Variants in MPP4 observed in about 807,000 individuals in gnomAD.
MPP4 encodes the protein MAGUK p55 scaffold protein 4, also known as MAGUK p55 subfamily member 4.
Under a neutral mutation model 98.3 loss-of-function variants are expected in MPP4, and 91 were observed. The observed-to-expected ratio is 0.93, with a 90% CI of 0.78 to 1.10. The LOEUF is 1.10. Ranked by LOEUF, MPP4 falls within the 50% of genes least tolerant of loss-of-function variation. The pLI, the probability that MPP4 is intolerant of heterozygous loss-of-function variation, is 0.00. For synonymous variants in MPP4, 261 were observed against 271.8 expected (o/e 0.96, Z 0.39); for missense variants, 744 against 792.9 (o/e 0.94, Z 0.74).
chr2:201,697,069 G>T (rs1004069196), intron 1 of MPP4, among the ~76,000 whole-genome samples: 1 of 152,096 alleles, frequency 6.6e-6, no homozygotes, highest in Non-Finnish European at 1.5e-5. Context: ...TGTCATTAGC[G>T]TCTGGGTAAG....
intron 18 of MPP4, among the ~76,000 whole-genome samples, chr2:201,652,841 A>C (rs1001365065): frequency 6.6e-6 from 1 of 152,174 alleles, no homozygotes; most frequent in African/African-American, 2.4e-5. Flanking sequence ...AGGGAGGGAG[A>C]GGAAAGCAGG....
chr2:201,672,281 A>G (rs1688363857), intron 11 of MPP4, among the ~76,000 whole-genome samples: 1 of 152,250 alleles, frequency 6.6e-6, no homozygotes, highest in Admixed American at 6.5e-5. Context: ...CTAAATGCCC[A>G]CAGGAGAAAG....
chr2:201,689,258 G>A (rs1688931394), intron 4 of MPP4, among the ~76,000 whole-genome samples: 1 of 152,198 alleles, frequency 6.6e-6, no homozygotes, highest in East Asian at 1.9e-4. Flanking sequence ...CCAGGAGGCA[G>A]AGGTTGCAGT....
At chr2:201,696,974 G>A (rs778071557) in intron 1 of MPP4, among the ~76,000 whole-genome samples, 4 of 152,146 alleles carry the variant, frequency 2.6e-5, no homozygotes, top group Admixed American at 2.6e-4. Context: ...AGATGTTGAA[G>A]CCCTAATCCC....
intron 18 of MPP4, among the ~76,000 whole-genome samples, chr2:201,653,447 C>T (rs979817471): frequency 6.6e-6 from 1 of 152,146 alleles, no homozygotes; most frequent in Non-Finnish European, 1.5e-5. Flanking sequence ...CAATAAAAGC[C>T]TCCCCAAAAA....
At chr2:201,649,228 A>T (rs1687650969) in intron 20 of MPP4, among the ~76,000 whole-genome samples, 1 of 152,222 alleles carries the variant, frequency 6.6e-6, no homozygotes, top group Admixed American at 6.5e-5. Flanking sequence ...AGCCACAGAT[A>T]TGACAACATA....
chr2:201,693,053 T>C (rs373403676), intron 2 of MPP4, 24 bp from the exon 3 acceptor site: 106 of 1,603,030 alleles, frequency 6.6e-5, no homozygotes, highest in Non-Finnish European at 8.9e-5. Context: ...AGAGCAGAGA[T>C]GGGGTGGCAG....
At chr2:201,677,864 A>G (rs1688552571) in intron 10 of MPP4, among the ~76,000 whole-genome samples, 1 of 152,178 alleles carries the variant, frequency 6.6e-6, no homozygotes, top group South Asian at 2.1e-4. Context: ...GCTCAGAGAT[A>G]CTGACTTCTC....
At chr2:201,690,326 T>C (rs1465208972) in intron 3 of MPP4, 47 bp from the exon 4 acceptor site, 2 of 1,293,526 alleles carry the variant, frequency 1.5e-6, no homozygotes, top group Admixed American at 2.0e-5. Flanking sequence ...AATATGACTA[T>C]TGCCATTTTG....
At chr2:201,697,303 TAGAAAA>T (rs1159863894) in intron 1 of MPP4, among the ~76,000 whole-genome samples, 3 of 152,020 alleles carry the variant, frequency 2.0e-5, no homozygotes, top group Admixed American at 6.5e-5. Context: ...ACAAAACTCA[TAGAAAA>T]AAACTTCCAG....
intron 3 of MPP4, 65 bp from the exon 4 acceptor site, chr2:201,690,344 G>T: frequency 1.8e-6 from 2 of 1,104,230 alleles, no homozygotes; most frequent in South Asian, 1.4e-5. Context: ...TTGGATTTAA[G>T]ACTCTCAAAG....
At chr2:201,647,269 T>A (rs1208412345) in intron 21 of MPP4, among the ~76,000 whole-genome samples, 1 of 152,186 alleles carries the variant, frequency 6.6e-6, no homozygotes, top group East Asian at 1.9e-4. Context: ...ATATTCTGTT[T>A]AAAATACAAA....
chr2:201,678,488 C>G lies in MPP4; in HGVS notation c.929+2350G>C, dbSNP rs532158746. Among the ~76,000 whole-genome samples the G allele has an allele frequency of 1.9e-3, 291 of 152,288 alleles. 2 individuals carry two copies. The highest frequency in any genetic ancestry group is 6.6e-3 in the African/African-American group (276 of 41,552). ...TCCCTGTGGTCTGCTTCTCCTGCAG[C>G]CTTCAAGAGGGGGATGTTTCCTCTC... On this transcript the variant is annotated intron_variant, in intron 10 of 21. Transcript: ENST00000409474.
At chr2:201,651,339 C>T (rs1177224093) in intron 18 of MPP4, 1 of 985,368 alleles carries the variant, frequency 1.0e-6, no homozygotes. Context: ...AGAGTTCCTA[C>T]AGTTACATCA....
chr2:201,658,652 T>A, intron 15 of MPP4, 134 bp from the exon 16 acceptor site: 1 of 675,296 alleles, frequency 1.5e-6, no homozygotes, highest in African/African-American at 1.8e-5. Context: ...TATCCTTGAG[T>A]GGCTCACCGA....
At chr2:201,656,088 T>C (rs567918077) in intron 17 of MPP4, 110 bp downstream of exon 17, 1 of 1,213,220 alleles carries the variant, frequency 8.2e-7, no homozygotes. Context: ...GGTATTTGTA[T>C]GGGGGTCCAT....
intron 3 of MPP4, among the ~76,000 whole-genome samples, chr2:201,692,015 G>A (rs2105949401): frequency 6.6e-6 from 1 of 152,294 alleles, no homozygotes; most frequent in African/African-American, 2.4e-5. Flanking sequence ...TGTGATTCCA[G>A]GGGGCCTCTG....
At chr2:201,665,165 A>G (rs1047128101) in intron 13 of MPP4, 1 of 147,952 alleles carries the variant, frequency 6.8e-6, no homozygotes, top group Non-Finnish European at 1.5e-5. Flanking sequence ...TCCCGGGTTC[A>G]CGCCATTCTC....
intron 14 of MPP4, chr2:201,662,163 G>GA (rs1325249944): frequency 7.8e-5 from 18 of 229,304 alleles, no homozygotes; most frequent in African/African-American, 4.3e-4. Context: ...TACCACACAT[G>GA]TAATTTTAAA....
Sources: gnomAD v4.1 joint callset for allele counts (sites outside exome capture counted in the v4.1 genomes callset) on GRCh38, gnomAD v4.1.1 for gene constraint, MANE v1.5 for transcripts, NCBI Gene and HGNC (gene_info 2026-07-23, HGNC 2026-07-21) for gene names.